Variants in MYO1D observed in about 807,000 individuals in gnomAD.
The protein encoded by MYO1D is myosin ID, also known as unconventional myosin-Id.
Under a neutral mutation model 122.0 loss-of-function variants are expected in MYO1D, and 83 were observed. That is an observed-to-expected ratio of 0.68 (90% confidence interval 0.57 to 0.82). The LOEUF is 0.82. Among genes scored for constraint, MYO1D ranks in the 40% least tolerant of loss-of-function variants. The pLI is 0.00. For synonymous variants in MYO1D, 464 were observed against 446.9 expected (o/e 1.04, Z -0.48); for missense variants, 1,157 against 1,269.5 (o/e 0.91, Z 1.35).
intron 16 of MYO1D, 42 bp from the exon 17 acceptor site, chr17:32,659,380 C>G: frequency 6.3e-7 from 1 of 1,593,364 alleles, no homozygotes; most frequent in South Asian, 1.1e-5. Flanking sequence ...TATTGACCGG[C>G]TGAGTTGTGG....
intron 16 of MYO1D, among the ~76,000 whole-genome samples, chr17:32,701,404 T>C (rs2089246983): frequency 6.6e-6 from 1 of 152,220 alleles, no homozygotes; most frequent in Non-Finnish European, 1.5e-5. Flanking sequence ...CCATTTTATC[T>C]TGTTAGGTAA....
intron 20 of MYO1D, among the ~76,000 whole-genome samples, chr17:32,635,624 C>T (rs1368013136): frequency 1.8e-4 from 27 of 151,854 alleles, no homozygotes; most frequent in Admixed American, 1.6e-3. Flanking sequence ...ACCTAGGAGG[C>T]GGAGGTTGCA....
intron 1 of MYO1D, among the ~76,000 whole-genome samples, chr17:32,783,409 C>T (rs1224796050): frequency 6.6e-6 from 1 of 152,096 alleles, no homozygotes; most frequent in African/African-American, 2.4e-5. Flanking sequence ...AATTAAATGG[C>T]TTGGCACAGT....
chr17:32,775,947 T>C lies in MYO1D; in HGVS notation c.481A>G (p.Arg161Gly). The C allele has an allele frequency of 1.2e-6, 2 of 1,613,978 alleles. No individual in the cohort carries two copies. The highest frequency in any genetic ancestry group is 1.7e-6 in the Non-Finnish European group (2 of 1,179,900). The stretch of plus-strand genomic sequence containing the variant: ...TTGATATCCATGTATTTTCCAAACC[T>C]GCTTGAGTTGTCATTACGGTTGGTT... Reference protein sequence around the residue: ...AKTNRNDNSSRFGKYMDINFD... With the variant: ...AKTNRNDNSSGFGKYMDINFD... The change falls in exon 4 of 22, where the codon AGG becomes GGG. Residue 161 changes from arginine (R) to glycine (G), a missense_variant. By Grantham distance (125) the Arg-to-Gly change is moderately radical. Coordinates refer to ENST00000318217, the MANE Select transcript of MYO1D (RefSeq NM_015194.3).
chr17:32,677,578 TAA>T (rs1175223569), intron 16 of MYO1D, among the ~76,000 whole-genome samples: 42 of 84,026 alleles, frequency 5.0e-4, no homozygotes, highest in Non-Finnish European at 6.3e-4. Context: ...TATAGATAGA[TAA>T]ATATATATAT....
chr17:32,573,640 C>T (rs181318262), intron 21 of MYO1D, among the ~76,000 whole-genome samples: 1 of 152,284 alleles, frequency 6.6e-6, no homozygotes, highest in Admixed American at 6.5e-5. Context: ...CCACCTCAGC[C>T]TCCTGAGTAG....
At chr17:32,803,216 G>A (rs999669149) in intron 1 of MYO1D, among the ~76,000 whole-genome samples, 6 of 151,444 alleles carry the variant, frequency 4.0e-5, no homozygotes, top group African/African-American at 7.3e-5. Flanking sequence ...GCGTGATCTC[G>A]GCTCACTGCA....
chr17:32,634,745 C>A (rs984172666), intron 20 of MYO1D, among the ~76,000 whole-genome samples: 3 of 152,186 alleles, frequency 2.0e-5, no homozygotes, highest in African/African-American at 7.2e-5. Flanking sequence ...TTGACAAAGA[C>A]TGGGATGCTG....
At chr17:32,859,371 T>C (rs9895520) in intron 1 of MYO1D, among the ~76,000 whole-genome samples, 7,779 of 152,266 alleles carry the variant, frequency 0.051, 618 homozygotes, top group African/African-American at 0.17. Flanking sequence ...ACCAAGACCA[T>C]GCCAGCACGG....
chr17:32,771,060 T>G, intron 6 of MYO1D, 65 bp downstream of exon 6: 1 of 1,241,632 alleles, frequency 8.1e-7, no homozygotes, highest in East Asian at 2.3e-5. Context: ...AGATAATTAT[T>G]GAATGTCTCT....
chr17:32,550,332 TTAGGTGATC>T (rs1345163259), intron 21 of MYO1D, among the ~76,000 whole-genome samples: 1 of 152,180 alleles, frequency 6.6e-6, no homozygotes, highest in Non-Finnish European at 1.5e-5. Context: ...ACTCCTGATC[TTAGGTGATC>T]TGCCTGCCTT....
At chr17:32,742,014 C>CAAA (rs55636240) in intron 13 of MYO1D, among the ~76,000 whole-genome samples, 3 of 106,202 alleles carry the variant, frequency 2.8e-5, no homozygotes, top group Admixed American at 1.0e-4. Flanking sequence ...GACTCCGTCT[C>CAAA]AAAAAAAAAA....
intron 1 of MYO1D, among the ~76,000 whole-genome samples, chr17:32,799,513 C>G (rs1598108558): frequency 6.6e-6 from 1 of 152,026 alleles, no homozygotes; most frequent in African/African-American, 2.4e-5. Flanking sequence ...CTTTATCTCC[C>G]CTCTTAAAGA....
intron 21 of MYO1D, among the ~76,000 whole-genome samples, chr17:32,591,851 C>A (rs1279792225): frequency 6.6e-6 from 1 of 152,082 alleles, no homozygotes; most frequent in Non-Finnish European, 1.5e-5. Flanking sequence ...ATTTAGAGGG[C>A]CTGGGATGGG....
intron 21 of MYO1D, among the ~76,000 whole-genome samples, chr17:32,513,833 CT>C (rs543363715): frequency 3.1e-3 from 446 of 142,266 alleles, no homozygotes; most frequent in Middle Eastern, 3.7e-3. Context: ...TTCTTTCTTT[CT>C]TTTTTTTTTT....
At chr17:32,718,164 A>C (rs568158956) in intron 15 of MYO1D, among the ~76,000 whole-genome samples, 1 of 152,338 alleles carries the variant, frequency 6.6e-6, no homozygotes, top group Admixed American at 6.5e-5. Flanking sequence ...CATACACTAA[A>C]ATATACACAT....
intron 21 of MYO1D, among the ~76,000 whole-genome samples, chr17:32,530,366 T>A (rs1043578915): frequency 6.6e-5 from 10 of 152,174 alleles, no homozygotes; most frequent in African/African-American, 2.4e-4. Context: ...TGCTGTAATG[T>A]AGAACATAGG....
At chr17:32,849,480 C>T (rs1356150261) in intron 1 of MYO1D, among the ~76,000 whole-genome samples, 1 of 150,528 alleles carries the variant, frequency 6.6e-6, no homozygotes, top group African/African-American at 2.5e-5. Context: ...GAATACTATG[C>T]AGCCATAAAA....
intron 20 of MYO1D, among the ~76,000 whole-genome samples, chr17:32,636,806 C>T (rs1021058867): frequency 2.0e-5 from 3 of 152,198 alleles, no homozygotes; most frequent in Admixed American, 2.0e-4. Flanking sequence ...TTCCAGCCCT[C>T]TGTGAGTAAG....
Sources: allele counts gnomAD v4.1 joint callset (sites outside exome capture counted in the v4.1 genomes callset), GRCh38; gene constraint gnomAD v4.1.1; transcripts MANE v1.5; gene names NCBI Gene and HGNC (gene_info 2026-07-23, HGNC 2026-07-21).